The following PIK3R5 variants were observed in gnomAD, a reference collection of about 807,000 sequenced individuals.
PIK3R5 encodes the protein phosphoinositide 3-kinase regulatory subunit 5.
PIK3R5 carries 32 observed loss-of-function variants against 94.9 expected under a neutral mutation model. The ratio of observed to expected loss-of-function variants is 0.34; its 90% CI spans 0.25 to 0.45. PIK3R5 has a LOEUF of 0.45. PIK3R5 is among the 20% of genes least tolerant of loss of function. The pLI is 1.00. For synonymous variants in PIK3R5, 443 were observed against 479.4 expected (o/e 0.92, Z 0.99); for missense variants, 853 against 1,144.6 (o/e 0.75, Z 3.68).
chr17:8,884,844 A>AGT lies in PIK3R5; in HGVS notation c.2129-63_2129-62dup, dbSNP rs2089774647. 1 of 1,468,486 alleles carries AGT rather than the reference A, an allele frequency of 6.8e-7. No homozygotes were observed. The highest frequency in any genetic ancestry group is 1.4e-5 in the African/African-American group (1 of 71,918). 91.0% of individuals were successfully genotyped at this position (1,468,486 alleles called of 1,614,324 possible). A position where few individuals can be genotyped will look rare whatever the true frequency, so the allele number is the denominator to read the frequency against. On this transcript the variant is annotated intron_variant, in intron 14 of 18. Coordinates refer to ENST00000447110, the MANE Select transcript of PIK3R5 (RefSeq NM_001142633.3). The surrounding 1 kb of genome is among the most constrained non-coding windows in gnomAD (Gnocchi z 5.8). The stretch of plus-strand genomic sequence containing the variant: ...GGCTTCCCCGGCTCCTCACGAACGC[A>AGT]GTGGCCTTGCCTCCCTGGGCCTTAC...
At position 8,959,004 on chromosome 17, in the gene PIK3R5, C is replaced by T. The variant is rs370196826; in HGVS notation, c.-14+6592G>A. ...AACTCCTGACCTCAGGTGATCTGCC[C>T]GCCTCGGCCTCCCAAAGTGCTGGGA... On this transcript the variant is annotated intron_variant, in intron 1 of 18. Transcript: ENST00000447110. Among the ~76,000 whole-genome samples, 9 of 152,186 alleles carry T rather than the reference C, an allele frequency of 5.9e-5. 1 individual carries two copies. Among genetic ancestry groups the T allele is most frequent in the East Asian group, 1.9e-4 (1 of 5,184 alleles).
chr17:8,905,770 A>T (rs1818486367), intron 3 of PIK3R5, 33 bp from the exon 4 acceptor site: 1 of 1,484,584 alleles, frequency 6.7e-7, no homozygotes, highest in East Asian at 2.4e-5. Context: ...AATGAGCCTC[A>T]TTCACGGGGT....
chr17:8,956,601 A>T (rs912325772), intron 1 of PIK3R5, among the ~76,000 whole-genome samples: 11 of 152,358 alleles, frequency 7.2e-5, no homozygotes, highest in African/African-American at 2.6e-4. Context: ...CGTACATCAC[A>T]TCACAGCCCC....
intron 1 of PIK3R5, among the ~76,000 whole-genome samples, chr17:8,947,224 G>A (rs1438361767): frequency 6.6e-6 from 1 of 152,218 alleles, no homozygotes; most frequent in South Asian, 2.1e-4. Context: ...TAGCTGATTA[G>A]GTTGGAGCCG....
intron 1 of PIK3R5, among the ~76,000 whole-genome samples, chr17:8,956,194 A>G (rs1395253976): frequency 6.6e-6 from 1 of 151,840 alleles, no homozygotes; most frequent in African/African-American, 2.4e-5. Flanking sequence ...TTTGTCGGGC[A>G]TCAGACTTTA....
rs905233294 is a variant in PIK3R5 at position 8,886,241 on chromosome 17, T to C, written c.2116A>G (p.Ile706Val). ...AGGCAGTACCCACCTGACGCCTTGA[T>C]GGCACGTGTGGCAGCGGAGTGACCC... Reference protein sequence around the residue: ...ELGHSAATRAIKASGPGSKRL... With the variant: ...ELGHSAATRAVKASGPGSKRL... The change falls in exon 14 of 19, where the codon ATC (isoleucine) becomes GTC (valine). Residue 706 changes from isoleucine (I) to valine (V), a missense_variant. Physicochemically the swap from Ile to Val is conservative, Grantham distance 29 (BLOSUM62 3). Around this residue, in one of 6 missense-constraint regions of PIK3R5, gnomAD observed 173 missense variants for 274.1 expected, o/e 0.63. Coordinates refer to ENST00000447110, the MANE Select transcript of PIK3R5 (RefSeq NM_001142633.3). 2 of 1,612,622 alleles carry C rather than the reference T, an allele frequency of 1.2e-6. No homozygotes were observed. Among genetic ancestry groups the C allele is most frequent in the Non-Finnish European group, 1.7e-6 (2 of 1,179,472 alleles).
intron 4 of PIK3R5, among the ~76,000 whole-genome samples, chr17:8,905,163 C>T (rs2090366381): frequency 1.7e-5 from 1 of 60,060 alleles, no homozygotes; most frequent in Non-Finnish European, 3.3e-5. Context: ...GAGTGAGCCT[C>T]TCTGAAAGGC....
At chr17:8,883,379 C>CA (rs1168937597) in intron 15 of PIK3R5, among the ~76,000 whole-genome samples, 3 of 152,152 alleles carry the variant, frequency 2.0e-5, no homozygotes, top group Admixed American at 6.5e-5. Flanking sequence ...AAAAAACAAA[C>CA]AAAAAACCAC....
intron 5 of PIK3R5, among the ~76,000 whole-genome samples, chr17:8,901,387 T>C (rs1365139819): frequency 6.6e-6 from 1 of 152,164 alleles, no homozygotes; most frequent in Non-Finnish European, 1.5e-5. Context: ...CTCTTTGTAA[T>C]GACAGACAGC....
At chr17:8,905,604 C>A in intron 4 of PIK3R5, 65 bp downstream of exon 4, 4 of 1,228,190 alleles carry the variant, frequency 3.3e-6, no homozygotes, top group South Asian at 1.3e-5. Context: ...AGGGCTCTGC[C>A]CCAGATAGAG....
In PIK3R5 at chr17:8,890,974, C is replaced by A. The variant is rs974893803; in HGVS notation, c.483-62G>T. On this transcript the variant is annotated intron_variant, in intron 6 of 18. Transcript: ENST00000447110. The surrounding 1 kb of genome is among the most constrained non-coding windows in gnomAD (Gnocchi z 6.1). ...TGCGCAGCATGCCACAGTGCAGCCA[C>A]CCCCCTCGTGCCTGCTGGTGCTCAG... is the stretch of plus-strand genomic sequence containing the variant. 1.5e-5 allele frequency: 23 copies of A among 1,503,988 alleles called. No individual in the cohort carries two copies. The highest frequency in any genetic ancestry group is 1.5e-4 in the Admixed American group (8 of 53,002). The allele number at this position is 1,503,988 out of a possible 1,614,324, so 93.2% of individuals were successfully genotyped here. A position where few individuals can be genotyped will look rare whatever the true frequency, so the allele number is the denominator to read the frequency against.
At chr17:8,954,654 T>C (rs1480082954) in intron 1 of PIK3R5, among the ~76,000 whole-genome samples, 2 of 152,126 alleles carry the variant, frequency 1.3e-5, no homozygotes, top group Non-Finnish European at 2.9e-5. Context: ...GAAGATTCCC[T>C]GCCGGGTGCG....
chr17:8,900,436 G>A (rs1029349510), intron 5 of PIK3R5, among the ~76,000 whole-genome samples: 2 of 152,208 alleles, frequency 1.3e-5, no homozygotes, highest in African/African-American at 2.4e-5. Context: ...TCCCCGAAAC[G>A]AGGGAGAGTT....
intron 5 of PIK3R5, among the ~76,000 whole-genome samples, chr17:8,903,835 G>A (rs539849296): frequency 8.5e-5 from 13 of 152,188 alleles, no homozygotes; most frequent in African/African-American, 2.2e-4. Context: ...TCTCAGTCTC[G>A]ACAGAAAACC....
At chr17:8,921,793 A>G (rs2090752769) in intron 1 of PIK3R5, among the ~76,000 whole-genome samples, 1 of 152,336 alleles carries the variant, frequency 6.6e-6, no homozygotes, top group Non-Finnish European at 1.5e-5. Flanking sequence ...AGGATCAAAG[A>G]TCTAAATGTA....
At chr17:8,957,249 C>T (rs761895539) in intron 1 of PIK3R5, among the ~76,000 whole-genome samples, 1 of 152,166 alleles carries the variant, frequency 6.6e-6, no homozygotes, top group Non-Finnish European at 1.5e-5. Context: ...GCATACTTCC[C>T]CAACGGGAAA....
intron 1 of PIK3R5, among the ~76,000 whole-genome samples, chr17:8,927,505 C>T (rs969524449): frequency 6.6e-6 from 1 of 152,124 alleles, no homozygotes; most frequent in Admixed American, 6.5e-5. Flanking sequence ...GACTTCCACC[C>T]CCACCAGACA....
In PIK3R5 at chr17:8,909,078, C is replaced by A; in HGVS notation, c.200G>T (p.Arg67Leu). The A allele has an allele frequency of 1.3e-6, 2 of 1,598,742 alleles. No homozygotes were observed. The highest frequency in any genetic ancestry group is 1.7e-6 in the Non-Finnish European group (2 of 1,169,328). The change falls in exon 3 of 19, where the codon CGA becomes CTA. Residue 67 changes from arginine (R) to leucine (L), a missense_variant. Coordinates refer to ENST00000447110, the MANE Select transcript of PIK3R5 (RefSeq NM_001142633.3). The surrounding 1 kb of genome is among the most constrained non-coding windows in gnomAD (Gnocchi z 4.3). Reference protein sequence around the residue: ...ILLEQILQKTREVQEKGTYDL... With the variant: ...ILLEQILQKTLEVQEKGTYDL... Reference sequence around the variant, plus strand: ...CAATTCCTGACTCCCCCTCACCTCTCGGGTCTTCTGCAGGATCTGCTCAAG... The same window carrying A: ...CAATTCCTGACTCCCCCTCACCTCTAGGGTCTTCTGCAGGATCTGCTCAAG...
intron 1 of PIK3R5, among the ~76,000 whole-genome samples, chr17:8,917,183 G>A (rs2090647456): frequency 6.6e-6 from 1 of 152,208 alleles, no homozygotes; most frequent in Non-Finnish European, 1.5e-5. Flanking sequence ...GGAGGTGGAG[G>A]TGAGAAAAGG....
Sources: gnomAD v4.1 joint callset for allele counts (sites outside exome capture counted in the v4.1 genomes callset) on GRCh38, gnomAD v4.1.1 for gene constraint, gnomAD v4.1.1 regional missense constraint, Gnocchi (gnomAD v3.1) non-coding constraint, MANE v1.5 for transcripts, NCBI Gene and HGNC (gene_info 2026-07-23, HGNC 2026-07-21) for gene names.